Variants in HSDL1 observed in about 807,000 individuals in gnomAD.
HSDL1 encodes inactive hydroxysteroid dehydrogenase-like protein 1.
Under a neutral mutation model 31.5 loss-of-function variants are expected in HSDL1, and 29 were observed. The ratio of observed to expected loss-of-function variants is 0.92; its 90% confidence interval spans 0.69 to 1.26. The LOEUF is 1.26. HSDL1 is among the 50% of genes most tolerant of loss of function. HSDL1 has a pLI of 0.00. For synonymous variants in HSDL1, 222 were observed against 155.2 expected (o/e 1.43, Z -3.20); for missense variants, 503 against 416.6 (o/e 1.21, Z -1.81).
In HSDL1 at chr16:84,130,016, A is replaced by C. The variant is rs1348008446; in HGVS notation, c.636T>G (p.Thr212=). The stretch of plus-strand genomic sequence containing the variant: ...AAGCAGAAAATGCAGCCAGCTGAGG[A>C]GTGGGTTTGCAGCAGGAGCCAGAAG... ...TISSGSCCKP[T]PQLAAFSASK... is the part of the protein sequence containing the mutation. Residue 212 remains threonine, a synonymous_variant, in exon 4 of 6, where the codon ACT becomes ACG. Transcript: ENST00000219439. The C allele has an allele frequency of 3.7e-6, 6 of 1,613,984 alleles. No homozygotes were observed. Among genetic ancestry groups the C allele is most frequent in the Admixed American group, 3.3e-5 (2 of 60,010 alleles).
intron 1 of HSDL1, among the ~76,000 whole-genome samples, chr16:84,141,203 C>T (rs1388191578): frequency 1.4e-5 from 2 of 146,958 alleles, no homozygotes; most frequent in Non-Finnish European, 3.0e-5. Flanking sequence ...ACATCATTCC[C>T]GAGACTCATC....
rs941906177 is a variant in HSDL1, at chr16:84,123,414, G to A, written c.*1216C>T. On this transcript the variant is annotated 3_prime_UTR_variant, in exon 6 of 6. Coordinates refer to ENST00000219439, the MANE Select transcript of HSDL1 (RefSeq NM_031463.5). ...TGACTTAGAGTTTTCAAAGCACTAG[G>A]TACATGGTCCTCAAAAATGGTTGGC... is the stretch of plus-strand genomic sequence containing the variant. The A allele has an allele frequency of 1.3e-5, 2 of 152,158 alleles. No individual in the cohort carries two copies. Among genetic ancestry groups the A allele is most frequent in the Non-Finnish European group, 2.9e-5 (2 of 68,038 alleles). 9.4% of individuals were successfully genotyped at this position (152,158 alleles called of 1,614,324 possible).
intron 1 of HSDL1, among the ~76,000 whole-genome samples, chr16:84,138,879 G>A (rs1354808768): frequency 6.6e-6 from 1 of 152,198 alleles, no homozygotes; most frequent in Admixed American, 6.6e-5. Context: ...CCTCTTCAAA[G>A]CACCACTGCT....
Position 84,124,497 on chromosome 16 carries a change from T to G in HSDL1, c.*133A>C. 1.6e-6 allele frequency: 1 copy of G among 641,126 alleles called. No individual in the cohort carries two copies. The highest frequency in any genetic ancestry group is 2.4e-5 in the Admixed American group (1 of 41,536). 39.7% of individuals were successfully genotyped at this position (641,126 alleles called of 1,614,324 possible). ...CACTCTGACGGTATTATGTGTGTTT[T>G]GCAAATGACGAATCAACAGTATGCT... On this transcript the variant is annotated 3_prime_UTR_variant, in exon 6 of 6. Coordinates refer to ENST00000219439, the MANE Select transcript of HSDL1 (RefSeq NM_031463.5).
At chr16:84,138,414 G>C (rs950196697) in intron 1 of HSDL1, among the ~76,000 whole-genome samples, 1 of 152,172 alleles carries the variant, frequency 6.6e-6, no homozygotes, top group African/African-American at 2.4e-5. Flanking sequence ...TGACCATAGT[G>C]AGCAATACCA....
At chr16:84,141,237 C>T (rs2086766656) in intron 1 of HSDL1, among the ~76,000 whole-genome samples, 1 of 151,458 alleles carries the variant, frequency 6.6e-6, no homozygotes, top group Non-Finnish European at 1.5e-5. Flanking sequence ...CTATATAGTC[C>T]ATCCTCCTCG....
intron 4 of HSDL1, 69 bp from the exon 5 acceptor site, chr16:84,129,844 A>C: frequency 6.9e-7 from 1 of 1,456,146 alleles, no homozygotes; most frequent in Non-Finnish European, 9.4e-7. Flanking sequence ...AGAAAAAAAG[A>C]CTTGCTTATT....
intron 1 of HSDL1, chr16:84,144,535 A>T (rs1317503549): frequency 2.0e-5 from 3 of 152,342 alleles, no homozygotes; most frequent in South Asian, 2.1e-4. Flanking sequence ...CAAACTCGGA[A>T]ATCCTGGCTG....
chr16:84,127,861 G>C (rs1339135710), intron 5 of HSDL1, among the ~76,000 whole-genome samples: 1 of 151,182 alleles, frequency 6.6e-6, no homozygotes, highest in East Asian at 2.0e-4. Flanking sequence ...TGGGACTACA[G>C]GCGCCCACCA....
At chr16:84,141,611 C>T (rs1567525328) in intron 1 of HSDL1, among the ~76,000 whole-genome samples, 1 of 152,236 alleles carries the variant, frequency 6.6e-6, no homozygotes, top group Non-Finnish European at 1.5e-5. Flanking sequence ...AACCCATTCA[C>T]ACTCCCGCCA....
chr16:84,128,070 C>T (rs1268251047), intron 5 of HSDL1, among the ~76,000 whole-genome samples: 1 of 150,986 alleles, frequency 6.6e-6, no homozygotes, highest in Non-Finnish European at 1.5e-5. Context: ...GGGTGGATCA[C>T]CTGAGATCAG....
In HSDL1 at chr16:84,130,119, A is replaced by G. The variant is rs768990151; in HGVS notation, c.533T>C (p.Ile178Thr). Residue 178 changes from isoleucine (I) to threonine (T), a missense_variant, in exon 4 of 6, where the codon ATT becomes ACT. Coordinates refer to ENST00000219439, the MANE Select transcript of HSDL1 (RefSeq NM_031463.5). ...ATGGACCATCAAACTAGCGGCGGCAATGTTCACATTTATGATGTCCCAGAG... is the reference window on the plus strand; with the variant it reads ...ATGGACCATCAAACTAGCGGCGGCAGTGTTCACATTTATGATGTCCCAGAG... ...DKLWDIINVNIAAASLMVHVV... is the reference protein window; with the variant it reads ...DKLWDIINVNTAAASLMVHVV... 7.4e-6 allele frequency: 12 copies of G among 1,614,190 alleles called. No homozygotes were observed. The highest frequency in any genetic ancestry group is 4.5e-5 in the East Asian group (2 of 44,890).
chr16:84,125,547 C>T (rs1421700492), intron 5 of HSDL1, among the ~76,000 whole-genome samples: 1 of 151,974 alleles, frequency 6.6e-6, no homozygotes, highest in Non-Finnish European at 1.5e-5. Context: ...ACAACAAATA[C>T]CCACCAATCA....
chr16:84,132,335 T>C (rs183978012), intron 2 of HSDL1, among the ~76,000 whole-genome samples: 2 of 152,270 alleles, frequency 1.3e-5, no homozygotes, highest in East Asian at 3.9e-4. Flanking sequence ...TACAATCCAC[T>C]GGAGACAAAA....
chr16:84,129,153 C>T (rs1472596905), intron 5 of HSDL1, among the ~76,000 whole-genome samples: 1 of 152,056 alleles, frequency 6.6e-6, no homozygotes, highest in African/African-American at 2.4e-5. Flanking sequence ...GAGGCTGAGG[C>T]AGGCAGATCA....
chr16:84,138,127 AC>A (rs1432288706), intron 1 of HSDL1, among the ~76,000 whole-genome samples: 1 of 152,212 alleles, frequency 6.6e-6, no homozygotes, highest in African/African-American at 2.4e-5. Context: ...TTTCCAAGCC[AC>A]CCAGTTCATG....
chr16:84,144,625 A>G (rs939552576), intron 1 of HSDL1, among the ~76,000 whole-genome samples: 12 of 152,172 alleles, frequency 7.9e-5, no homozygotes, highest in African/African-American at 2.9e-4. Context: ...AAATGAGAAT[A>G]AAGAAGCACC....
chr16:84,144,090 C>G (rs1045457741), intron 1 of HSDL1, among the ~76,000 whole-genome samples: 4 of 146,864 alleles, frequency 2.7e-5, no homozygotes, highest in African/African-American at 5.0e-5. Flanking sequence ...CTCTCTCTCT[C>G]TCTCCTGTGG....
At chr16:84,144,408 C>A (rs2086814943) in intron 1 of HSDL1, 1 of 152,232 alleles carries the variant, frequency 6.6e-6, no homozygotes, top group Non-Finnish European at 1.5e-5. Context: ...CCGAGGGGCG[C>A]TGCAGCGATC....
Sources: gnomAD v4.1 joint callset for allele counts (sites outside exome capture counted in the v4.1 genomes callset) on GRCh38, gnomAD v4.1.1 for gene constraint, MANE v1.5 for transcripts, NCBI Gene and HGNC (gene_info 2026-07-23, HGNC 2026-07-21) for gene names.